Variants in GPR137C observed in about 807,000 individuals in gnomAD.
The protein encoded by GPR137C is integral membrane protein GPR137C.
A neutral mutation model predicts 43.4 loss-of-function variants in GPR137C; 27 were observed. The ratio of observed to expected loss-of-function variants is 0.62; its 90% CI spans 0.46 to 0.86. GPR137C has a LOEUF of 0.86. GPR137C is among the 40% of genes least tolerant of loss of function. The pLI is 0.00. For missense variants in GPR137C, 522 were observed against 534.6 expected (o/e 0.98, Z 0.23); for synonymous variants, 285 against 226.9 (o/e 1.26, Z -2.30).
intron 4 of GPR137C, 21 bp from the exon 5 acceptor site, chr14:52,633,509 T>G (rs2039316720): frequency 2.5e-6 from 4 of 1,605,172 alleles, no homozygotes; most frequent in Non-Finnish European, 3.4e-6. Context: ...GTAAAAATTC[T>G]CTGCCATGCT....
chr14:52,618,406 G>C (rs1236801627), intron 3 of GPR137C, among the ~76,000 whole-genome samples: 1 of 152,122 alleles, frequency 6.6e-6, no homozygotes, highest in African/African-American at 2.4e-5. Context: ...AACATTTTAA[G>C]TGTGCCTCAC....
At chr14:52,559,199 A>AC (rs1490787394) in intron 1 of GPR137C, among the ~76,000 whole-genome samples, 1 of 151,970 alleles carries the variant, frequency 6.6e-6, no homozygotes, top group Non-Finnish European at 1.5e-5. Flanking sequence ...ACATGGTGAA[A>AC]CCCCGTCTCT....
At chr14:52,572,907 T>TACAAAATCA (rs1195373966) in intron 1 of GPR137C, among the ~76,000 whole-genome samples, 1 of 152,148 alleles carries the variant, frequency 6.6e-6, no homozygotes, top group Non-Finnish European at 1.5e-5. Context: ...AGTCTCAGGA[T>TACAAAATCA]ACAAAATCAA....
In GPR137C at chr14:52,627,569, C is replaced by T. The variant is rs542159827; in HGVS notation, c.718-4591C>T. 2.0e-5 allele frequency among the ~76,000 whole-genome samples: 3 copies of T among 151,222 alleles called. No individual in the cohort carries two copies. The South Asian group carries it at 6.3e-4, about 32-fold the overall frequency. ...AAATATTTAAAGTGTGCTGTCTGGG[C>T]AGTGCGGTGGCTCACGTCTGTAATC... is the stretch of plus-strand genomic sequence containing the variant. On this transcript the variant is annotated intron_variant, in intron 3 of 6. Transcript: ENST00000321662.
chr14:52,576,871 A>G (rs2038560470), intron 1 of GPR137C, among the ~76,000 whole-genome samples: 1 of 152,130 alleles, frequency 6.6e-6, no homozygotes, highest in Non-Finnish European at 1.5e-5. Flanking sequence ...AAAAATATAA[A>G]CCAGTACCAA....
intron 1 of GPR137C, among the ~76,000 whole-genome samples, chr14:52,557,452 A>T (rs981401138): frequency 6.6e-6 from 1 of 152,198 alleles, no homozygotes; most frequent in Non-Finnish European, 1.5e-5. Flanking sequence ...AATTCTACAA[A>T]ATAGAAAAGT....
In GPR137C at chr14:52,621,257, G is replaced by A. The variant is rs796665339; in HGVS notation, c.718-10903G>A. Among the ~76,000 whole-genome samples the A allele has an allele frequency of 1.6e-4, 24 of 151,680 alleles. 1 individual carries two copies. Among genetic ancestry groups the A allele is most frequent in the African/African-American group, 5.8e-4 (24 of 41,458 alleles). On this transcript the variant is annotated intron_variant, in intron 3 of 6. Coordinates refer to ENST00000321662, the MANE Select transcript of GPR137C (RefSeq NM_001099652.2). Reference sequence around the variant, plus strand: ...AATGAAGGCCAGAAGACACGGAAACGGTATTTTTTAAATGCCAAAAGAAAA... The same window carrying A: ...AATGAAGGCCAGAAGACACGGAAACAGTATTTTTTAAATGCCAAAAGAAAA...
chr14:52,635,148 T>C lies in GPR137C; in HGVS notation c.*33T>C. 1.3e-6 allele frequency: 2 copies of C among 1,500,696 alleles called. No individual in the cohort carries two copies. The highest frequency in any genetic ancestry group is 2.7e-5 in the South Asian group (2 of 75,450). The allele number at this position is 1,500,696 out of a possible 1,614,324, so 93.0% of individuals were successfully genotyped here. On this transcript the variant is annotated 3_prime_UTR_variant, in exon 7 of 7. Coordinates refer to ENST00000321662, the MANE Select transcript of GPR137C (RefSeq NM_001099652.2). ...ACCAAGTCATGATTCTTGAGTTGTT[T>C]TTCATAAATGTGTATATTCAATGTG...
intron 3 of GPR137C, among the ~76,000 whole-genome samples, chr14:52,617,727 A>T (rs574970948): frequency 6.6e-6 from 1 of 152,236 alleles, no homozygotes; most frequent in South Asian, 2.1e-4. Context: ...GATCAGAGAG[A>T]TAAGGATGTA....
intron 3 of GPR137C, among the ~76,000 whole-genome samples, chr14:52,630,155 T>C (rs1015180890): frequency 6.6e-6 from 1 of 152,190 alleles, no homozygotes; most frequent in Admixed American, 6.5e-5. Context: ...TGTATGTAAT[T>C]TGACTAGAGG....
intron 4 of GPR137C, 59 bp from the exon 5 acceptor site, chr14:52,633,471 G>C: frequency 6.8e-7 from 1 of 1,463,584 alleles, no homozygotes. Context: ...GTTAACTGTG[G>C]AGGTGATTGC....
intron 1 of GPR137C, among the ~76,000 whole-genome samples, chr14:52,569,189 C>T (rs935451390): frequency 1.3e-4 from 19 of 151,914 alleles, no homozygotes; most frequent in African/African-American, 3.4e-4. Flanking sequence ...AGACCTGCAC[C>T]GGAGGGGCCT....
At chr14:52,597,236 A>G (rs1289314938) in intron 1 of GPR137C, among the ~76,000 whole-genome samples, 2 of 152,210 alleles carry the variant, frequency 1.3e-5, no homozygotes, top group Non-Finnish European at 2.9e-5. Context: ...ATTTTGTGAT[A>G]GCATATTTTG....
chr14:52,627,714 C>G (rs751980140), intron 3 of GPR137C, among the ~76,000 whole-genome samples: 1 of 151,898 alleles, frequency 6.6e-6, no homozygotes, highest in Non-Finnish European at 1.5e-5. Context: ...CATGGTGGCA[C>G]GTGCCTGTAA....
At chr14:52,587,844 A>T (rs996712489) in intron 1 of GPR137C, among the ~76,000 whole-genome samples, 31 of 152,200 alleles carry the variant, frequency 2.0e-4, no homozygotes, top group Middle Eastern at 3.2e-3. Context: ...GGATACAAGG[A>T]TGGGAAGGTG....
chr14:52,621,067 C>A (rs2039155296), intron 3 of GPR137C, among the ~76,000 whole-genome samples: 1 of 151,746 alleles, frequency 6.6e-6, no homozygotes, highest in Non-Finnish European at 1.5e-5. Context: ...TCAAGCTTAG[C>A]AAACCCAATC....
At chr14:52,621,271 G>A (rs1159025479) in intron 3 of GPR137C, among the ~76,000 whole-genome samples, 1 of 151,722 alleles carries the variant, frequency 6.6e-6, no homozygotes, top group Non-Finnish European at 1.5e-5. Flanking sequence ...TTTTTTAAAT[G>A]CCAAAAGAAA....
chr14:52,620,259 A>G (rs2039145068), intron 3 of GPR137C, among the ~76,000 whole-genome samples: 1 of 152,068 alleles, frequency 6.6e-6, no homozygotes. Context: ...AGAAGATACC[A>G]GATAGAAGAA....
chr14:52,605,448 G>A (rs1363230214), intron 3 of GPR137C, among the ~76,000 whole-genome samples: 1 of 152,026 alleles, frequency 6.6e-6, no homozygotes, highest in Admixed American at 6.6e-5. Context: ...AGTTCTTTGT[G>A]GAATCTTTAA....
Sources: allele counts gnomAD v4.1 joint callset (sites outside exome capture counted in the v4.1 genomes callset), GRCh38; gene constraint gnomAD v4.1.1; transcripts MANE v1.5; gene names NCBI Gene and HGNC (gene_info 2026-07-23, HGNC 2026-07-21).